STK32C: variants seen among roughly 807,000 people sequenced by gnomAD.
The protein encoded by STK32C is serine/threonine-protein kinase 32C.
A neutral mutation model predicts 56.5 loss-of-function variants in STK32C; 31 were observed. The ratio of observed to expected loss-of-function variants is 0.55; its 90% confidence interval spans 0.41 to 0.74. STK32C has a LOEUF of 0.74. STK32C is among the 30% of genes least tolerant of loss of function. The pLI, the probability that STK32C is intolerant of heterozygous loss-of-function variation, is 0.00. For missense variants in STK32C, 544 were observed against 676.9 expected (o/e 0.80, Z 2.18); for synonymous variants, 309 against 289.4 (o/e 1.07, Z -0.69).
chr10:132,279,440 T>C (rs2065086693), intron 1 of STK32C, among the ~76,000 whole-genome samples: 1 of 152,044 alleles, frequency 6.6e-6, no homozygotes, highest in Admixed American at 6.5e-5. Flanking sequence ...AGACTCTACG[T>C]GACAAGTACA....
intron 1 of STK32C, among the ~76,000 whole-genome samples, chr10:132,329,397 G>A (rs962027064): frequency 1.3e-5 from 2 of 152,216 alleles, no homozygotes. Flanking sequence ...CTGGGTGACA[G>A]ACTGAGACCC....
At chr10:132,331,887 C>A, upstream of STK32C, 1 of 1,055,292 alleles carries the variant, frequency 9.5e-7, no homozygotes, top group Non-Finnish European at 1.3e-6. Context: ...GCGCACCACC[C>A]CCTGCCACCC....
At chr10:132,298,850 C>T (rs1389743202) in intron 1 of STK32C, among the ~76,000 whole-genome samples, 1 of 152,132 alleles carries the variant, frequency 6.6e-6, no homozygotes, top group Non-Finnish European at 1.5e-5. Context: ...TGACAGCAGC[C>T]CCAGCTGCCA....
chr10:132,232,959 A>C (rs925346339), intron 2 of STK32C, among the ~76,000 whole-genome samples: 1 of 152,168 alleles, frequency 6.6e-6, no homozygotes, highest in African/African-American at 2.4e-5. Flanking sequence ...TTTCCAAGTA[A>C]TTTTTGTTCC....
intron 1 of STK32C, among the ~76,000 whole-genome samples, chr10:132,294,388 G>T (rs972057163): frequency 5.9e-5 from 9 of 152,340 alleles, no homozygotes; most frequent in African/African-American, 1.9e-4. Context: ...AGGTGGGGCA[G>T]ATTCCAGCTC....
chr10:132,236,738 G>C (rs1032814303), intron 2 of STK32C, among the ~76,000 whole-genome samples: 6 of 152,176 alleles, frequency 3.9e-5, no homozygotes, highest in Non-Finnish European at 8.8e-5. Flanking sequence ...CCACCTAACA[G>C]AGGCTTCCTT....
intron 2 of STK32C, among the ~76,000 whole-genome samples, chr10:132,242,069 C>A (rs1216275436): frequency 6.6e-6 from 1 of 151,612 alleles, no homozygotes; most frequent in Non-Finnish European, 1.5e-5. Flanking sequence ...GAGATCACGC[C>A]ACTGCACTTT....
intron 1 of STK32C, among the ~76,000 whole-genome samples, chr10:132,325,624 C>T (rs1187926232): frequency 2.0e-5 from 3 of 152,058 alleles, no homozygotes; most frequent in South Asian, 2.1e-4. Context: ...CAACTTGCTC[C>T]TCCTTGCCTT....
exon 1 of STK32C, chr10:132,331,770 G>T (rs754873763): frequency 6.2e-7 from 1 of 1,609,620 alleles, no homozygotes. Flanking sequence ...TGCCAGGCCG[G>T]TCGCCCCTCC....
intron 1 of STK32C, among the ~76,000 whole-genome samples, chr10:132,249,438 G>A (rs996480885): frequency 6.6e-5 from 10 of 152,132 alleles, no homozygotes; most frequent in South Asian, 2.1e-4. Context: ...CCAGGATGCC[G>A]TGCAAGCAGC....
chr10:132,207,820 TC>T lies in STK32C; in HGVS notation c.*189del. ...CCACGGGAAATGCCCTCCACAGGTGTCCCCTGCACCCACAGCCTCTTGTCCC... is the reference window on the plus strand; with the variant it reads ...CCACGGGAAATGCCCTCCACAGGTGTCCCTGCACCCACAGCCTCTTGTCCC... On this transcript the variant is annotated 3_prime_UTR_variant, in exon 12 of 12. Coordinates refer to ENST00000298630, the MANE Select transcript of STK32C (RefSeq NM_173575.4). 1.5e-6 allele frequency: 1 copy of T among 660,704 alleles called. No homozygotes were observed. The highest frequency in any genetic ancestry group is 2.1e-6 in the Non-Finnish European group (1 of 467,534). 40.9% of individuals were successfully genotyped at this position (660,704 alleles called of 1,614,324 possible).
intron 7 of STK32C, 22 bp from the exon 8 acceptor site, chr10:132,224,545 T>C: frequency 1.3e-6 from 2 of 1,564,492 alleles, no homozygotes; most frequent in Non-Finnish European, 1.7e-6. Flanking sequence ...GAGGCAGTGC[T>C]GGGCAGGTCC....
At chr10:132,244,883 A>C (rs897419613) in intron 2 of STK32C, among the ~76,000 whole-genome samples, 10 of 152,138 alleles carry the variant, frequency 6.6e-5, no homozygotes, top group African/African-American at 2.4e-4. Context: ...CCTCACCTCG[A>C]TGGTCAACCA....
chr10:132,331,927 G>A, upstream of STK32C: 1 of 536,940 alleles, frequency 1.9e-6, no homozygotes, highest in Non-Finnish European at 2.7e-6. Context: ...CCCCCCCACC[G>A]CAAGCGCAAC....
In STK32C at chr10:132,316,003, C is replaced by A. The variant is rs2066302254; in HGVS notation, c.301+15433G>T. On this transcript the variant is annotated intron_variant, in intron 1 of 3. Coordinates refer to the STK32C transcript ENST00000368620. ...ATTCAAATGGAATGATTATAAAACC[C>A]AAACTAATAAAATGTATGAGATGCA... Among the ~76,000 whole-genome samples, 5 of 151,984 alleles carry A rather than the reference C, an allele frequency of 3.3e-5. 1 individual carries two copies. The South Asian group carries it at 1.0e-3, about 32-fold the overall frequency.
intron 10 of STK32C, among the ~76,000 whole-genome samples, chr10:132,221,053 C>A (rs1424494648): frequency 2.0e-5 from 3 of 152,274 alleles, no homozygotes; most frequent in African/African-American, 7.2e-5. Flanking sequence ...CATTGCTGTT[C>A]TTCAACCACC....
chr10:132,232,777 G>A (rs538408756), intron 2 of STK32C, among the ~76,000 whole-genome samples: 1 of 151,010 alleles, frequency 6.6e-6, no homozygotes, highest in Admixed American at 6.6e-5. Flanking sequence ...GCCACTGACG[G>A]GGAGGCCACA....
chr10:132,331,587 G>A, exon 1 of STK32C: 2 of 1,612,922 alleles, frequency 1.2e-6, no homozygotes, highest in Non-Finnish European at 1.7e-6. Context: ...GAAGCCCCAG[G>A]AGAGACGCGG....
At chr10:132,317,260 T>A (rs1483424186) in intron 1 of STK32C, among the ~76,000 whole-genome samples, 1 of 152,176 alleles carries the variant, frequency 6.6e-6, no homozygotes, top group Non-Finnish European at 1.5e-5. Context: ...GAGGCCTAAA[T>A]GTAGGAGCTA....
Sources: allele counts gnomAD v4.1 joint callset (sites outside exome capture counted in the v4.1 genomes callset), GRCh38; gene constraint gnomAD v4.1.1; transcripts MANE v1.5; gene names NCBI Gene and HGNC (gene_info 2026-07-23, HGNC 2026-07-21).